The following INSYN2B variants were observed in gnomAD, a reference collection of about 807,000 sequenced individuals.
INSYN2B encodes the protein protein INSYN2B.
In INSYN2B, 16 loss-of-function variants were observed where a neutral mutation model predicts 41.2. That is an observed-to-expected ratio of 0.39 (90% CI 0.26 to 0.59). The LOEUF (loss-of-function observed/expected upper bound fraction) is 0.59. INSYN2B is among the 20% of genes least tolerant of loss of function. The pLI is 0.57. For synonymous variants in INSYN2B, 245 were observed against 244.4 expected (o/e 1.00, Z -0.02); for missense variants, 608 against 646.4 (o/e 0.94, Z 0.64).
intron 1 of INSYN2B, among the ~76,000 whole-genome samples, chr5:169,948,130 T>A (rs1265492862): frequency 6.6e-6 from 1 of 151,998 alleles, no homozygotes; most frequent in Admixed American, 6.5e-5. Context: ...AAGCTTAAAT[T>A]CTAGGTGTGA....
intron 1 of INSYN2B, among the ~76,000 whole-genome samples, chr5:169,931,377 A>G (rs1775745141): frequency 6.6e-6 from 1 of 152,214 alleles, no homozygotes; most frequent in Admixed American, 6.5e-5. Context: ...TTGCCTTGAT[A>G]TTGCCGCCTC....
At chr5:169,935,182 C>T (rs1775928489) in intron 1 of INSYN2B, among the ~76,000 whole-genome samples, 1 of 152,218 alleles carries the variant, frequency 6.6e-6, no homozygotes, top group African/African-American at 2.4e-5. Context: ...TGTATAAAGA[C>T]AGTCTGCAGA....
rs182887543 is a variant in INSYN2B at position 169,900,444 on chromosome 5, G to A, written c.-918-15628C>T. Among the ~76,000 whole-genome samples, 312 of 152,316 alleles carry A rather than the reference G, an allele frequency of 2.0e-3. 2 individuals carry two copies. Among genetic ancestry groups the A allele is most frequent in the Non-Finnish European group, 3.5e-3 (237 of 68,036 alleles). ...ATTATCGTGGCTGGGCGAGATAGTGGCAAATGTCAGGAGAAGACTGGCTGG... is the reference window on the plus strand; with the variant it reads ...ATTATCGTGGCTGGGCGAGATAGTGACAAATGTCAGGAGAAGACTGGCTGG... On this transcript the variant is annotated intron_variant, in intron 1 of 3. Transcript: ENST00000377365.
At chr5:169,900,087 C>A (rs1335707283) in intron 1 of INSYN2B, among the ~76,000 whole-genome samples, 1 of 152,182 alleles carries the variant, frequency 6.6e-6, no homozygotes, top group Non-Finnish European at 1.5e-5. Flanking sequence ...TTTCCTTCTA[C>A]TAAGCACCCA....
At chr5:169,974,543 C>T (rs963307033) in intron 1 of INSYN2B, among the ~76,000 whole-genome samples, 1 of 152,192 alleles carries the variant, frequency 6.6e-6, no homozygotes, top group Non-Finnish European at 1.5e-5. Flanking sequence ...TGTTGGGACA[C>T]CTTTACCCAC....
At chr5:169,908,719 T>TC (rs1439333782) in intron 1 of INSYN2B, among the ~76,000 whole-genome samples, 1 of 145,238 alleles carries the variant, frequency 6.9e-6, no homozygotes, top group African/African-American at 2.5e-5. Flanking sequence ...TTTTCTTTTT[T>TC]TTTTTTTTTT....
In INSYN2B at chr5:169,863,489, A is replaced by G. The variant is rs1410618714; in HGVS notation, c.*784T>C. ...CAAAAACAGATTCCACCCATTTGCC[A>G]GGTGGTCTCAGGCCCTAGGCAGAGA... On this transcript the variant is annotated 3_prime_UTR_variant, in exon 4 of 4. Coordinates refer to ENST00000377365, the MANE Select transcript of INSYN2B (RefSeq NM_001129891.3). 6.6e-6 allele frequency among the ~76,000 whole-genome samples: 1 copy of G among 152,234 alleles called. No individual in the cohort carries two copies. Among genetic ancestry groups the G allele is most frequent in the Admixed American group, 6.5e-5 (1 of 15,284 alleles).
At chr5:169,978,397 G>GGC (rs1561863725) in intron 1 of INSYN2B, among the ~76,000 whole-genome samples, 2 of 143,674 alleles carry the variant, frequency 1.4e-5, no homozygotes, top group African/African-American at 5.2e-5. Context: ...GTGTGTGGGG[G>GGC]GGGGGGGGTG....
intron 3 of INSYN2B, among the ~76,000 whole-genome samples, chr5:169,867,543 T>C (rs1350995842): frequency 1.3e-5 from 2 of 152,166 alleles, no homozygotes; most frequent in Non-Finnish European, 2.9e-5. Context: ...CTATCATGTA[T>C]CTATCATCTA....
At chr5:169,963,768 C>T (rs1221525915) in intron 1 of INSYN2B, among the ~76,000 whole-genome samples, 2 of 152,138 alleles carry the variant, frequency 1.3e-5, no homozygotes, top group South Asian at 2.1e-4. Flanking sequence ...GCATCATTCA[C>T]TCACTACAGA....
intron 1 of INSYN2B, among the ~76,000 whole-genome samples, chr5:169,900,149 T>G (rs1168089378): frequency 2.6e-5 from 4 of 152,134 alleles, no homozygotes; most frequent in African/African-American, 9.7e-5. Context: ...AGCTCTCAGA[T>G]CTAAAGGAGG....
chr5:169,959,819 C>G (rs116492863), intron 1 of INSYN2B, among the ~76,000 whole-genome samples: 80 of 152,186 alleles, frequency 5.3e-4, no homozygotes, highest in South Asian at 8.3e-4. Flanking sequence ...GTAGAATGCT[C>G]AGAGGGCAAA....
intron 1 of INSYN2B, among the ~76,000 whole-genome samples, chr5:169,941,866 C>T (rs1776258403): frequency 6.6e-6 from 1 of 152,254 alleles, no homozygotes; most frequent in South Asian, 2.1e-4. Flanking sequence ...TTTTGGTTTG[C>T]GTTAACAGCA....
At chr5:169,901,453 G>T (rs973689993) in intron 1 of INSYN2B, among the ~76,000 whole-genome samples, 17 of 152,242 alleles carry the variant, frequency 1.1e-4, no homozygotes, top group African/African-American at 4.1e-4. Flanking sequence ...GCGTGCATGT[G>T]TGTGTAGGAG....
At chr5:169,968,468 C>A (rs1396671676) in intron 1 of INSYN2B, among the ~76,000 whole-genome samples, 1 of 152,140 alleles carries the variant, frequency 6.6e-6, no homozygotes, top group African/African-American at 2.4e-5. Context: ...GACACATGAG[C>A]ATATGATTAA....
chr5:169,967,983 G>A (rs1777365584), intron 1 of INSYN2B, among the ~76,000 whole-genome samples: 1 of 152,220 alleles, frequency 6.6e-6, no homozygotes, highest in Non-Finnish European at 1.5e-5. Context: ...AAAGGTCTGA[G>A]AGGGGAAGGA....
chr5:169,901,806 T>G (rs947320395), intron 1 of INSYN2B, among the ~76,000 whole-genome samples: 3 of 152,258 alleles, frequency 2.0e-5, no homozygotes, highest in African/African-American at 7.2e-5. Context: ...GGAGGGGTTT[T>G]CTGGACCCTC....
At chr5:169,887,990 C>A (rs1442742848) in intron 1 of INSYN2B, among the ~76,000 whole-genome samples, 1 of 152,140 alleles carries the variant, frequency 6.6e-6, no homozygotes, top group Non-Finnish European at 1.5e-5. Flanking sequence ...TATGAGTGGA[C>A]ATTTTTTCAC....
At chr5:169,904,634 C>T (rs1317783979) in intron 1 of INSYN2B, among the ~76,000 whole-genome samples, 1 of 152,190 alleles carries the variant, frequency 6.6e-6, no homozygotes. Flanking sequence ...GCCTCTCCCC[C>T]TAGTGAGGGC....
Sources: gnomAD v4.1 joint callset for allele counts (sites outside exome capture counted in the v4.1 genomes callset) on GRCh38, gnomAD v4.1.1 for gene constraint, MANE v1.5 for transcripts, NCBI Gene and HGNC (gene_info 2026-07-23, HGNC 2026-07-21) for gene names.